NETO1: variants seen among roughly 807,000 people sequenced by gnomAD.
The protein encoded by NETO1 is neuropilin and tolloid-like protein 1.
NETO1 carries 26 observed loss-of-function variants against 61.3 expected under a neutral mutation model. That is an observed-to-expected ratio of 0.42 (90% CI 0.31 to 0.59). The LOEUF is 0.59. Ranked by LOEUF, NETO1 falls within the 20% of genes least tolerant of loss-of-function variation. The pLI is 0.12. For missense variants in NETO1, 531 were observed against 662.8 expected (o/e 0.80, Z 2.18); for synonymous variants, 225 against 225.8 (o/e 1.00, Z 0.03).
intron 7 of NETO1, among the ~76,000 whole-genome samples, chr18:72,782,586 C>T (rs867744417): frequency 6.6e-6 from 1 of 152,142 alleles, no homozygotes; most frequent in Non-Finnish European, 1.5e-5. Context: ...AGGCCGATCA[C>T]CTGAGGTCAG....
At chr18:72,749,144 T>G (rs2070506867) in intron 9 of NETO1, 56 bp from the exon 10 acceptor site, 1 of 993,564 alleles carries the variant, frequency 1.0e-6, no homozygotes, top group Admixed American at 1.8e-5. Context: ...AAAAAATATG[T>G]ATACAAATAT....
rs1175795357 is a variant in NETO1 at position 72,744,547 on chromosome 18, T to A, written c.*3632A>T. ...CTAGAGTGCAATAGATAGAAATGAA[T>A]CCATGGAGGGAAAAGGGCACAGAGA... On this transcript the variant is annotated 3_prime_UTR_variant, in exon 11 of 11. Coordinates refer to ENST00000327305, the MANE Select transcript of NETO1 (RefSeq NM_138966.5). 1 of 152,104 alleles carries A rather than the reference T, an allele frequency of 6.6e-6. No homozygotes were observed. The highest frequency in any genetic ancestry group is 1.5e-5 in the Non-Finnish European group (1 of 68,018). 9.4% of individuals were successfully genotyped at this position (152,104 alleles called of 1,614,324 possible).
intron 6 of NETO1, among the ~76,000 whole-genome samples, chr18:72,786,285 G>A (rs191443622): frequency 2.0e-5 from 3 of 152,218 alleles, no homozygotes; most frequent in Non-Finnish European, 4.4e-5. Flanking sequence ...GACATAAAAG[G>A]ACAAGACGAA....
At position 72,824,753 on chromosome 18, in the gene NETO1, C is replaced by A. The variant is rs1198195652; in HGVS notation, c.470-30349G>T. Among the ~76,000 whole-genome samples, 3 of 151,460 alleles carry A rather than the reference C, an allele frequency of 2.0e-5. No homozygotes were observed. The South Asian group carries it at 6.3e-4, about 32-fold the overall frequency. On this transcript the variant is annotated intron_variant, in intron 4 of 10. Transcript: ENST00000327305. ...AAAAAGCCAGTCATGGTGGTGCATG[C>A]CTGTAGTCCCAGCTACGCCGGAGGC...
intron 7 of NETO1, among the ~76,000 whole-genome samples, chr18:72,781,849 TTTTTAAC>T (rs1361962476): frequency 1.4e-5 from 2 of 144,122 alleles, no homozygotes; most frequent in East Asian, 4.0e-4. Flanking sequence ...TTTAAAGTTG[TTTTTAAC>T]TTTTGTTTCA....
intron 4 of NETO1, among the ~76,000 whole-genome samples, chr18:72,840,542 C>G (rs962675149): frequency 3.9e-5 from 6 of 152,194 alleles, no homozygotes; most frequent in Admixed American, 2.0e-4. Flanking sequence ...TTATAAAGAT[C>G]TTAAAAAGCC....
At chr18:72,845,334 A>G (rs2074051390) in intron 4 of NETO1, among the ~76,000 whole-genome samples, 1 of 152,232 alleles carries the variant, frequency 6.6e-6, no homozygotes, top group Non-Finnish European at 1.5e-5. Context: ...TCATAGCCAG[A>G]AAGTGGCTGA....
At chr18:72,791,862 A>T (rs2072130206) in intron 6 of NETO1, among the ~76,000 whole-genome samples, 1 of 152,194 alleles carries the variant, frequency 6.6e-6, no homozygotes, top group Non-Finnish European at 1.5e-5. Context: ...GCTCTCTTGT[A>T]ATACAGGTAG....
At chr18:72,854,013 AT>A (rs2074339447) in intron 4 of NETO1, among the ~76,000 whole-genome samples, 2 of 152,072 alleles carry the variant, frequency 1.3e-5, no homozygotes. Flanking sequence ...TTGAAATAAC[AT>A]TGAATCCATG....
intron 4 of NETO1, among the ~76,000 whole-genome samples, chr18:72,826,284 G>T (rs893408420): frequency 1.3e-5 from 2 of 151,864 alleles, no homozygotes; most frequent in South Asian, 2.1e-4. Context: ...AATTATAATT[G>T]GTCTGATATT....
intron 7 of NETO1, among the ~76,000 whole-genome samples, chr18:72,771,793 G>GA (rs1222737945): frequency 6.6e-6 from 1 of 152,002 alleles, no homozygotes; most frequent in African/African-American, 2.4e-5. Context: ...CCATTACATT[G>GA]AAAAAACCCA....
intron 7 of NETO1, among the ~76,000 whole-genome samples, chr18:72,779,287 G>A (rs959007798): frequency 2.7e-5 from 4 of 150,682 alleles, no homozygotes; most frequent in Admixed American, 6.6e-5. Context: ...CATATTAAAT[G>A]TATAATTATA....
intron 7 of NETO1, among the ~76,000 whole-genome samples, chr18:72,780,349 A>G (rs76909291): frequency 1.3e-5 from 2 of 152,218 alleles, no homozygotes; most frequent in South Asian, 2.1e-4. Context: ...ACCCACTTCA[A>G]TGACTTCTAG....
chr18:72,835,332 A>G, intron 4 of NETO1: 1 of 1,595,008 alleles, frequency 6.3e-7, no homozygotes, highest in Non-Finnish European at 8.6e-7. Context: ...GGAGGCAAAG[A>G]GGTAATTAAA....
chr18:72,828,539 T>A (rs948509228), intron 4 of NETO1, among the ~76,000 whole-genome samples: 1 of 152,226 alleles, frequency 6.6e-6, no homozygotes, highest in African/African-American at 2.4e-5. Flanking sequence ...ATAAAATTTT[T>A]CAAACTATAA....
At chr18:72,753,424 C>A (rs546674634) in intron 8 of NETO1, among the ~76,000 whole-genome samples, 1 of 152,264 alleles carries the variant, frequency 6.6e-6, no homozygotes, top group Admixed American at 6.5e-5. Context: ...CCAGCAGATA[C>A]CTGTCAACCA....
At position 72,830,195 on chromosome 18, in the gene NETO1, C is replaced by T. The variant is rs890626417; in HGVS notation, c.469+28631G>A. 4.6e-5 allele frequency among the ~76,000 whole-genome samples: 7 copies of T among 151,944 alleles called. No individual in the cohort carries two copies. The highest frequency in any genetic ancestry group is 2.1e-4 in the South Asian group (1 of 4,810). On this transcript the variant is annotated intron_variant, in intron 4 of 10. Transcript: ENST00000327305. The surrounding 1 kb of genome is among the most constrained non-coding windows in gnomAD (Gnocchi z 4.9). ...GCCGTCCACAGCATAGAGGAAGCGG[C>T]GGCACAGGGAAGGAAGCAGCCCTCC...
intron 3 of NETO1, among the ~76,000 whole-genome samples, chr18:72,861,159 C>G (rs1301889595): frequency 6.6e-6 from 1 of 152,162 alleles, no homozygotes; most frequent in Non-Finnish European, 1.5e-5. Context: ...TTCATAAGTT[C>G]TGTGGCTGAG....
Position 72,852,664 on chromosome 18 carries a change from C to T in NETO1, c.469+6162G>A, listed in dbSNP as rs986358817. On this transcript the variant is annotated intron_variant, in intron 4 of 10. Coordinates refer to ENST00000327305, the MANE Select transcript of NETO1 (RefSeq NM_138966.5). ...CTCCTGAACACCCACCTAGACCAAA[C>T]AAGATTTCTGTCTCTCTTCATTCCT... Among the ~76,000 whole-genome samples the T allele has an allele frequency of 4.6e-5, 7 of 152,198 alleles. No homozygotes were observed. The Middle Eastern group carries it at 0.01, about 222-fold the overall frequency.
Sources: gnomAD v4.1 joint callset for allele counts (sites outside exome capture counted in the v4.1 genomes callset) on GRCh38, gnomAD v4.1.1 for gene constraint, Gnocchi (gnomAD v3.1) non-coding constraint, MANE v1.5 for transcripts, NCBI Gene and HGNC (gene_info 2026-07-23, HGNC 2026-07-21) for gene names.